The following BDP1 variants were observed in gnomAD, a reference collection of about 807,000 sequenced individuals.
The protein encoded by BDP1 is BDP1 general transcription factor IIIB subunit, also known as transcription factor TFIIIB component B'' homolog.
BDP1 carries 169 observed loss-of-function variants against 266.6 expected under a neutral mutation model. The observed-to-expected ratio is 0.63, with a 90% CI of 0.56 to 0.72. The LOEUF (loss-of-function observed/expected upper bound fraction) is 0.72, where lower values mean the gene tolerates loss of function less well. Ranked by LOEUF, BDP1 falls within the 30% of genes least tolerant of loss-of-function variation. The pLI, the probability that BDP1 is intolerant of heterozygous loss-of-function variation, is 0.00. For missense variants in BDP1, 3,015 were observed against 3,053.8 expected, an observed-to-expected ratio of 0.99 and a Z score of 0.30; for synonymous variants, 1,090 against 1,022.4, an observed-to-expected ratio of 1.07 and a Z score of -1.26.
At chr5:71,525,415 G>A (rs1765759202) in intron 25 of BDP1, among the ~76,000 whole-genome samples, 1 of 138,066 alleles carries the variant, frequency 7.2e-6, no homozygotes, top group African/African-American at 2.7e-5. Context: ...CTCCCTCCCG[G>A]ACGGGGCGGC....
At chr5:71,535,497 G>T (rs879942815) in intron 26 of BDP1, among the ~76,000 whole-genome samples, 1 of 152,150 alleles carries the variant, frequency 6.6e-6, no homozygotes, top group Non-Finnish European at 1.5e-5. Context: ...GAGCCACCGT[G>T]CCCGGCCTAA....
At chr5:71,472,350 A>T (rs1201515739) in intron 7 of BDP1, among the ~76,000 whole-genome samples, 1 of 152,140 alleles carries the variant, frequency 6.6e-6, no homozygotes, top group African/African-American at 2.4e-5. Flanking sequence ...AATCCCAGCT[A>T]CTCGGGAGGC....
intron 11 of BDP1, among the ~76,000 whole-genome samples, chr5:71,494,150 G>A (rs1488829142): frequency 6.6e-6 from 1 of 152,072 alleles, no homozygotes; most frequent in African/African-American, 2.4e-5. Context: ...GTTACTGATC[G>A]GGAGATTTTA....
chr5:71,564,925 G>T lies in BDP1; in HGVS notation c.*40G>T, dbSNP rs1344279112. 6.5e-7 allele frequency: 1 copy of T among 1,539,256 alleles called. No individual in the cohort carries two copies. Among genetic ancestry groups the T allele is most frequent in the Non-Finnish European group, 8.8e-7 (1 of 1,140,176 alleles). Reference sequence around the variant, plus strand: ...TTTTTCTTTTTTAAATTAGGTCTAGGATTTCCAGAGTCAATTACATCAACA... The same window carrying T: ...TTTTTCTTTTTTAAATTAGGTCTAGTATTTCCAGAGTCAATTACATCAACA... On this transcript the variant is annotated 3_prime_UTR_variant, in exon 39 of 39. Coordinates refer to ENST00000358731, the MANE Select transcript of BDP1 (RefSeq NM_018429.3).
rs1437664268 is a variant in BDP1 at position 71,541,999 on chromosome 5, G to A, written c.6252-106G>A. The A allele has an allele frequency of 7.0e-6, 6 of 858,462 alleles. No homozygotes were observed. In the East Asian group the frequency reaches 1.6e-4, roughly 23 times the overall value. The allele number at this position is 858,462 out of a possible 1,614,324, so 53.2% of individuals were successfully genotyped here. On this transcript the variant is annotated intron_variant, in intron 29 of 38. Transcript: ENST00000358731. ...TAAGAAATGAACACTTGTAGACAGTGTGGCACCTAACAGGTCATTCACTCT... is the reference window on the plus strand; with the variant it reads ...TAAGAAATGAACACTTGTAGACAGTATGGCACCTAACAGGTCATTCACTCT...
chr5:71,512,523 T>C, intron 18 of BDP1, 95 bp downstream of exon 18: 1 of 775,130 alleles, frequency 1.3e-6, no homozygotes, highest in Non-Finnish European at 1.9e-6. Flanking sequence ...TACAGGATAG[T>C]GTTAGAGCTT....
At chr5:71,476,972 G>A (rs1252136777) in intron 7 of BDP1, among the ~76,000 whole-genome samples, 3 of 151,728 alleles carry the variant, frequency 2.0e-5, no homozygotes, top group African/African-American at 7.3e-5. Flanking sequence ...CAAAGTGCTG[G>A]GAATTACAGG....
downstream of BDP1, among the ~76,000 whole-genome samples, chr5:71,569,410 C>T (rs1744192311): frequency 6.6e-6 from 1 of 151,614 alleles, no homozygotes; most frequent in Non-Finnish European, 1.5e-5. Context: ...TATGATCGTG[C>T]CAGCCTGGGT....
Position 71,553,197 on chromosome 5 carries a change from T to G in BDP1, c.7077T>G (p.Pro2359=). The change falls in exon 35 of 39, where the codon CCT becomes CCG. Residue 2359 remains proline (P), a synonymous_variant. Transcript: ENST00000358731. ...ISGRDNSKKP[P]DNLDLVSRKR... is the part of the protein sequence containing the mutation. Reference sequence around the variant, plus strand: ...GAAGAGATAATTCTAAAAAGCCGCCTGATAATTTGGATCTTGTATCTAGGA... The same window carrying G: ...GAAGAGATAATTCTAAAAAGCCGCCGGATAATTTGGATCTTGTATCTAGGA... 1 of 1,613,402 alleles carries G rather than the reference T, an allele frequency of 6.2e-7. No homozygotes were observed. The highest frequency in any genetic ancestry group is 8.5e-7 in the Non-Finnish European group (1 of 1,179,898).
chr5:71,540,821 C>G (rs1366157545), intron 28 of BDP1, among the ~76,000 whole-genome samples: 1 of 152,084 alleles, frequency 6.6e-6, no homozygotes, highest in East Asian at 1.9e-4. Flanking sequence ...ACTTGTAGTC[C>G]TAGCTGCTTG....
intron 24 of BDP1, among the ~76,000 whole-genome samples, chr5:71,523,579 G>A (rs890676125): frequency 6.6e-6 from 1 of 152,212 alleles, no homozygotes; most frequent in Non-Finnish European, 1.5e-5. Context: ...CTCCCAAAGT[G>A]CTGGGAGTAG....
At chr5:71,476,501 G>T (rs1046107135) in intron 7 of BDP1, among the ~76,000 whole-genome samples, 13 of 151,540 alleles carry the variant, frequency 8.6e-5, no homozygotes, top group Non-Finnish European at 1.6e-4. Context: ...TTATTTGTTT[G>T]TTTTTTCCAT....
chr5:71,495,368 T>A lies in BDP1; in HGVS notation c.1759T>A (p.Cys587Ser). 1.3e-6 allele frequency: 2 copies of A among 1,589,068 alleles called. No homozygotes were observed. Among genetic ancestry groups the A allele is most frequent in the Non-Finnish European group, 1.7e-6 (2 of 1,167,108 alleles). ...LCEVNNAEGS[C>S]IEERNVDLKN... ...TGAGGTGAATAATGCTGAGGGTAGT[T>A]GTATAGAAGAAAGAAATGTTGACCT... Residue 587 changes from cysteine (C) to serine (S), a missense_variant, in exon 12 of 39, where the codon TGT becomes AGT. Cys to Ser is a moderately radical substitution (Grantham distance 112). Coordinates refer to ENST00000358731, the MANE Select transcript of BDP1 (RefSeq NM_018429.3).
Position 71,497,486 on chromosome 5 carries a change from G to A in BDP1, c.1956+60G>A, listed in dbSNP as rs62374362. On this transcript the variant is annotated intron_variant, in intron 13 of 38. Transcript: ENST00000358731. ...ATAAAAATTTTCTTTAGATAGTTGG[G>A]AATAAAAGTTGTTGACTTGAAATTA... is the stretch of plus-strand genomic sequence containing the variant. The A allele has an allele frequency of 0.028, 37,526 of 1,363,290 alleles. 651 individuals carry two copies. Among genetic ancestry groups the A allele is most frequent in the Non-Finnish European group, 0.033 (33,033 of 995,802 alleles). 84.4% of individuals were successfully genotyped at this position (1,363,290 alleles called of 1,614,324 possible). A position where few individuals can be genotyped will look rare whatever the true frequency, so the allele number is the denominator to read the frequency against.
At chr5:71,522,518 A>AAT (rs1554121131) in intron 23 of BDP1, 28 bp downstream of exon 23, 41 of 1,361,072 alleles carry the variant, frequency 3.0e-5, no homozygotes, top group Middle Eastern at 2.0e-4. Context: ...AAAAAAAAAA[A>AAT]TTTTTTTTCT....
intron 26 of BDP1, among the ~76,000 whole-genome samples, chr5:71,535,032 A>C (rs1024817276): frequency 6.6e-6 from 1 of 152,158 alleles, no homozygotes; most frequent in East Asian, 1.9e-4. Context: ...ATATCCTGCA[A>C]CTTCTTTGGT....
chr5:71,524,842 G>C (rs62374381), intron 25 of BDP1, among the ~76,000 whole-genome samples: 10 of 149,476 alleles, frequency 6.7e-5, no homozygotes, highest in Admixed American at 4.7e-4. Context: ...GACTCTTAAC[G>C]AGCATGCTGC....
At chr5:71,538,222 A>T (rs1273828942) in intron 26 of BDP1, among the ~76,000 whole-genome samples, 5 of 152,042 alleles carry the variant, frequency 3.3e-5, no homozygotes, top group Admixed American at 3.3e-4. Context: ...CTAGTATTTT[A>T]TTGGTGATTT....
intron 36 of BDP1, among the ~76,000 whole-genome samples, chr5:71,557,548 C>T (rs1292464384): frequency 6.6e-6 from 1 of 151,978 alleles, no homozygotes; most frequent in African/African-American, 2.4e-5. Context: ...CCACGCCCAG[C>T]TAATTTTTTG....
Sources: allele counts gnomAD v4.1 joint callset (sites outside exome capture counted in the v4.1 genomes callset), GRCh38; gene constraint gnomAD v4.1.1; transcripts MANE v1.5; gene names NCBI Gene and HGNC (gene_info 2026-07-23, HGNC 2026-07-21).